Variants in XKR4 observed in about 807,000 individuals in gnomAD.
The protein encoded by XKR4 is XK related 4.
A neutral mutation model predicts 53.9 loss-of-function variants in XKR4; 12 were observed. The observed-to-expected ratio is 0.22, with a 90% CI of 0.14 to 0.36. The LOEUF (loss-of-function observed/expected upper bound fraction) is 0.36, where lower values mean the gene tolerates loss of function less well. Ranked by LOEUF, XKR4 falls within the 10% of genes least tolerant of loss-of-function variation. The probability of loss-of-function intolerance (pLI) is 1.00; values close to 1 mark genes in which losing one functional copy is unlikely to be tolerated. For missense variants in XKR4, 799 were observed against 859.5 expected, an observed-to-expected ratio of 0.93 and a Z score of 0.88; for synonymous variants, 354 against 362.4, an observed-to-expected ratio of 0.98 and a Z score of 0.26.
chr8:55,390,940 T>C (rs564962848), intron 2 of XKR4, among the ~76,000 whole-genome samples: 1 of 152,354 alleles, frequency 6.6e-6, no homozygotes, highest in African/African-American at 2.4e-5. Flanking sequence ...TTCAGTTTTA[T>C]AATTGGCAAG....
intron 1 of XKR4, among the ~76,000 whole-genome samples, chr8:55,260,623 G>A (rs938997993): frequency 4.6e-5 from 7 of 152,186 alleles, no homozygotes; most frequent in African/African-American, 1.7e-4. Flanking sequence ...CTTCCAGCTG[G>A]TGGCGGAGTG....
intron 1 of XKR4, among the ~76,000 whole-genome samples, chr8:55,180,619 G>A (rs111487310): frequency 0.021 from 3,199 of 152,104 alleles, 120 homozygotes; most frequent in African/African-American, 0.07. Context: ...TGCAACCTCC[G>A]CCTCCTGGTT....
chr8:55,272,893 T>C, intron 1 of XKR4: 2 of 453,732 alleles, frequency 4.4e-6, no homozygotes, highest in South Asian at 1.6e-5. Context: ...AATAAATTAT[T>C]CATGTCTGGA....
intron 1 of XKR4, among the ~76,000 whole-genome samples, chr8:55,325,889 T>C (rs1016017655): frequency 6.6e-6 from 1 of 152,208 alleles, no homozygotes; most frequent in African/African-American, 2.4e-5. Context: ...AATTGATATA[T>C]AGTTGAGGAG....
intron 1 of XKR4, among the ~76,000 whole-genome samples, chr8:55,191,710 GA>G (rs1408638182): frequency 2.1e-5 from 3 of 144,542 alleles, no homozygotes; most frequent in Non-Finnish European, 4.5e-5. Context: ...GGGAGTTTCA[GA>G]AAGTGTTTTT....
intron 1 of XKR4, among the ~76,000 whole-genome samples, chr8:55,226,972 G>A (rs755689840): frequency 2.6e-5 from 4 of 152,102 alleles, no homozygotes; most frequent in Non-Finnish European, 4.4e-5. Context: ...TTCCCAAAAG[G>A]CACCCACAAC....
At chr8:55,108,989 C>T (rs893874161) in intron 1 of XKR4, among the ~76,000 whole-genome samples, 17 of 152,080 alleles carry the variant, frequency 1.1e-4, no homozygotes, top group African/African-American at 3.9e-4. Context: ...AAGAGAAGCC[C>T]GAAAACTTGA....
intron 2 of XKR4, among the ~76,000 whole-genome samples, chr8:55,510,305 T>G (rs1806607916): frequency 6.6e-6 from 1 of 151,448 alleles, no homozygotes. Flanking sequence ...AGGAAGGGGG[T>G]CTCCAGGCAG....
rs1259334793 is a variant in XKR4 at position 55,531,518 on chromosome 8, C to A, written c.*7291C>A. On this transcript the variant is annotated 3_prime_UTR_variant, in exon 3 of 3. Transcript: ENST00000327381. Reference sequence around the variant, plus strand: ...TAACAATACAAATACAAAAAAAAAACTAGATGACTGCTTATAAAGAGAAAA... The same window carrying A: ...TAACAATACAAATACAAAAAAAAAAATAGATGACTGCTTATAAAGAGAAAA... The A allele has an allele frequency of 1.3e-5, 2 of 150,546 alleles. No homozygotes were observed. Among genetic ancestry groups the A allele is most frequent in the Non-Finnish European group, 3.0e-5 (2 of 67,704 alleles). 9.3% of individuals were successfully genotyped at this position (150,546 alleles called of 1,614,324 possible).
At chr8:55,140,048 G>T in intron 1 of XKR4, 1 of 307,468 alleles carries the variant, frequency 3.3e-6, no homozygotes, top group Non-Finnish European at 6.4e-6. Context: ...TACTGAGAAA[G>T]ATTCTCATCC....
intron 2 of XKR4, among the ~76,000 whole-genome samples, chr8:55,392,898 C>T (rs551627932): frequency 9.9e-5 from 15 of 152,072 alleles, no homozygotes; most frequent in Non-Finnish European, 1.5e-4. Flanking sequence ...CTTTTTACTC[C>T]GAAAGTTGGC....
intron 1 of XKR4, among the ~76,000 whole-genome samples, chr8:55,226,757 T>C (rs941906672): frequency 1.3e-5 from 2 of 152,172 alleles, no homozygotes; most frequent in Non-Finnish European, 2.9e-5. Flanking sequence ...TTCTAACAGA[T>C]CTTACCCTCC....
chr8:55,367,326 C>A (rs1804003819), intron 2 of XKR4, among the ~76,000 whole-genome samples: 1 of 152,116 alleles, frequency 6.6e-6, no homozygotes, highest in South Asian at 2.1e-4. Context: ...CATTTCATTG[C>A]TCTACAATAA....
At chr8:55,399,462 C>T (rs1371037228) in intron 2 of XKR4, among the ~76,000 whole-genome samples, 1 of 152,190 alleles carries the variant, frequency 6.6e-6, no homozygotes, top group Admixed American at 6.5e-5. Flanking sequence ...GCAGAATAGT[C>T]CCCATAATCT....
chr8:55,394,174 C>T (rs1813039269), intron 2 of XKR4, among the ~76,000 whole-genome samples: 1 of 152,208 alleles, frequency 6.6e-6, no homozygotes, highest in Non-Finnish European at 1.5e-5. Flanking sequence ...TTTACATTCA[C>T]TATTAATTTT....
intron 1 of XKR4, among the ~76,000 whole-genome samples, chr8:55,220,189 A>G (rs1817862662): frequency 6.6e-6 from 1 of 152,116 alleles, no homozygotes; most frequent in Non-Finnish European, 1.5e-5. Flanking sequence ...AAATATACAT[A>G]ATTATTATTT....
intron 1 of XKR4, among the ~76,000 whole-genome samples, chr8:55,257,127 A>G (rs1563494772): frequency 6.6e-6 from 1 of 152,174 alleles, no homozygotes; most frequent in African/African-American, 2.4e-5. Flanking sequence ...TTTTGGGGGA[A>G]CACCAACATT....
At chr8:55,477,273 A>G (rs1208560912) in intron 2 of XKR4, among the ~76,000 whole-genome samples, 1 of 152,124 alleles carries the variant, frequency 6.6e-6, no homozygotes, top group East Asian at 1.9e-4. Context: ...TGCAGCCACC[A>G]CTGCTGATAC....
intron 1 of XKR4, among the ~76,000 whole-genome samples, chr8:55,138,213 T>C (rs1394487798): frequency 6.6e-6 from 1 of 152,146 alleles, no homozygotes; most frequent in Non-Finnish European, 1.5e-5. Flanking sequence ...TTTATTGATA[T>C]TTAGCTCATT....
Sources: allele counts gnomAD v4.1 joint callset (sites outside exome capture counted in the v4.1 genomes callset), GRCh38; gene constraint gnomAD v4.1.1; transcripts MANE v1.5; gene names NCBI Gene and HGNC (gene_info 2026-07-23, HGNC 2026-07-21).